MICAL3: variants seen among roughly 807,000 people sequenced by gnomAD.
MICAL3 encodes [F-actin]-monooxygenase MICAL3.
A neutral mutation model predicts 207.4 loss-of-function variants in MICAL3; 62 were observed. The observed-to-expected ratio is 0.30, with a 90% CI of 0.24 to 0.37. The LOEUF (loss-of-function observed/expected upper bound fraction) is 0.37, where lower values mean the gene tolerates loss of function less well. Among genes scored for constraint, MICAL3 ranks in the 10% least tolerant of loss-of-function variants. The pLI, the probability that MICAL3 is intolerant of heterozygous loss-of-function variation, is 1.00. For missense variants in MICAL3, 2,368 were observed against 2,635.6 expected, an observed-to-expected ratio of 0.90 and a Z score of 2.22; for synonymous variants, 1,077 against 1,069.3, an observed-to-expected ratio of 1.01 and a Z score of -0.14.
chr22:17,792,774 C>T (rs528489427), intron 29 of MICAL3, among the ~76,000 whole-genome samples: 23 of 152,336 alleles, frequency 1.5e-4, no homozygotes, highest in East Asian at 1.9e-4. Flanking sequence ...CTCTGAAGGA[C>T]GGAAACCCCC....
chr22:18,023,439 T>TTTACA (rs1924609152), intron 1 of MICAL3, among the ~76,000 whole-genome samples: 1 of 151,804 alleles, frequency 6.6e-6, no homozygotes. Context: ...TTCATTTCTT[T>TTTACA]ACAATGAAAA....
At chr22:17,985,815 C>T (rs1363635963) in intron 1 of MICAL3, among the ~76,000 whole-genome samples, 1 of 152,118 alleles carries the variant, frequency 6.6e-6, no homozygotes, top group Non-Finnish European at 1.5e-5. Flanking sequence ...AGGACCCACC[C>T]ACCTTCTCTC....
intron 1 of MICAL3, among the ~76,000 whole-genome samples, chr22:17,979,055 T>C (rs1343763240): frequency 6.6e-6 from 1 of 150,866 alleles, no homozygotes; most frequent in Admixed American, 6.6e-5. Context: ...ACACTTGTGG[T>C]CCCAGCTACT....
chr22:18,008,159 G>C (rs1018054089), intron 1 of MICAL3, among the ~76,000 whole-genome samples: 1 of 152,050 alleles, frequency 6.6e-6, no homozygotes, highest in Non-Finnish European at 1.5e-5. Flanking sequence ...AGAATCGCTT[G>C]AACCCAGGAG....
chr22:17,960,650 C>T (rs1934866170), intron 1 of MICAL3, among the ~76,000 whole-genome samples: 1 of 152,064 alleles, frequency 6.6e-6, no homozygotes, highest in Admixed American at 6.5e-5. Flanking sequence ...GGGTGTGAGA[C>T]TGTGTCCCCG....
chr22:17,812,335 C>T, intron 27 of MICAL3, among the ~76,000 whole-genome samples: 1 of 152,366 alleles, frequency 6.6e-6, no homozygotes, highest in South Asian at 2.1e-4. Flanking sequence ...GTCTCATCCT[C>T]CTTCCCACTC....
intron 1 of MICAL3, among the ~76,000 whole-genome samples, chr22:18,002,973 G>A (rs1057388511): frequency 6.6e-6 from 1 of 152,048 alleles, no homozygotes; most frequent in Non-Finnish European, 1.5e-5. Flanking sequence ...TGGATAACAC[G>A]GTGAAACCCC....
At chr22:17,842,534 A>C (rs999178841) in intron 19 of MICAL3, 1 of 166,708 alleles carries the variant, frequency 6.0e-6, no homozygotes, top group African/African-American at 2.4e-5. Flanking sequence ...CATGCTGCGG[A>C]TCTGTCTCCT....
In MICAL3 at chr22:17,824,790, T is replaced by G. The variant is rs367782980; in HGVS notation, c.3194-1730A>C. Among the ~76,000 whole-genome samples, 19 of 152,344 alleles carry G rather than the reference T, an allele frequency of 1.2e-4. No individual in the cohort carries two copies. In the East Asian group the frequency reaches 1.9e-3, roughly 15 times the overall value. On this transcript the variant is annotated intron_variant, in intron 22 of 31. Transcript: ENST00000441493. ...AAATGCCTCAAGTATTTCTATTGGT[T>G]AAAACCTCGGTGTGAGAACACTGCT... is the stretch of plus-strand genomic sequence containing the variant.
chr22:17,879,367 C>A, intron 16 of MICAL3: 1 of 1,612,224 alleles, frequency 6.2e-7, no homozygotes, highest in Non-Finnish European at 8.5e-7. Flanking sequence ...GGGGGCTCTG[C>A]TTGCCACGGT....
At chr22:17,964,987 C>A (rs144340466) in intron 1 of MICAL3, among the ~76,000 whole-genome samples, 10 of 152,238 alleles carry the variant, frequency 6.6e-5, no homozygotes, top group African/African-American at 2.4e-4. Context: ...AACGCCATCG[C>A]TGAAAGGGCA....
At chr22:17,836,792 C>T (rs1051531278) in intron 20 of MICAL3, among the ~76,000 whole-genome samples, 3 of 152,058 alleles carry the variant, frequency 2.0e-5, no homozygotes, top group Admixed American at 2.0e-4. Flanking sequence ...CTACTCGGCC[C>T]GCCACCACGC....
chr22:17,801,174 A>T, intron 29 of MICAL3, among the ~76,000 whole-genome samples: 1 of 39,614 alleles, frequency 2.5e-5, no homozygotes, highest in East Asian at 7.4e-4. Flanking sequence ...TTTTTTTGAG[A>T]CGGAGTCTCG....
At chr22:17,857,181 T>C (rs1016601765) in intron 19 of MICAL3, among the ~76,000 whole-genome samples, 1 of 152,158 alleles carries the variant, frequency 6.6e-6, no homozygotes, top group African/African-American at 2.4e-5. Context: ...GGCTGGGTCA[T>C]AGACCCACCG....
intron 16 of MICAL3, among the ~76,000 whole-genome samples, chr22:17,873,432 A>C (rs553211781): frequency 2.6e-5 from 4 of 152,380 alleles, no homozygotes; most frequent in African/African-American, 9.6e-5. Flanking sequence ...GAACGCTCCC[A>C]GGCTGTTTTG....
At chr22:17,899,224 C>T (rs563557898) in intron 7 of MICAL3, 66 of 605,278 alleles carry the variant, frequency 1.1e-4, no homozygotes, top group Non-Finnish European at 1.7e-4. Context: ...ACGGTAGGTA[C>T]GTGAGGGTTC....
rs933051969 is a variant in MICAL3, at chr22:17,790,480, A to G, written c.*252T>C. On this transcript the variant is annotated 3_prime_UTR_variant, in exon 32 of 32. Coordinates refer to ENST00000441493, the MANE Select transcript of MICAL3 (RefSeq NM_015241.3). ...GGTGGTCCCCTGCGTCATGCCATAC[A>G]CGCCGTGCTGCTCCTCTGAGTGGGA... 7.5e-5 allele frequency: 41 copies of G among 547,454 alleles called. No individual in the cohort carries two copies. The highest frequency in any genetic ancestry group is 7.2e-4 in the African/African-American group (38 of 52,972). The allele number at this position is 547,454 out of a possible 1,614,324, so 33.9% of individuals were successfully genotyped here. A position where few individuals can be genotyped will look rare whatever the true frequency, so the allele number is the denominator to read the frequency against.
At chr22:17,932,394 G>A (rs1368515006) in intron 1 of MICAL3, among the ~76,000 whole-genome samples, 1 of 152,156 alleles carries the variant, frequency 6.6e-6, no homozygotes, top group African/African-American at 2.4e-5. Context: ...ATAAGTGAAG[G>A]AGAAATAAAA....
At chr22:17,937,528 T>C (rs1182673140) in intron 1 of MICAL3, among the ~76,000 whole-genome samples, 1 of 152,124 alleles carries the variant, frequency 6.6e-6, no homozygotes, top group Non-Finnish European at 1.5e-5. Context: ...CCAGGCGTGG[T>C]GGCGCATCCC....
Sources: gnomAD v4.1 joint callset for allele counts (sites outside exome capture counted in the v4.1 genomes callset) on GRCh38, gnomAD v4.1.1 for gene constraint, MANE v1.5 for transcripts, NCBI Gene and HGNC (gene_info 2026-07-23, HGNC 2026-07-21) for gene names.